The following STPG2 variants were observed in gnomAD, a reference collection of about 807,000 sequenced individuals.
The protein encoded by STPG2 is sperm tail PG-rich repeat containing 2, also known as sperm-tail PG-rich repeat-containing protein 2.
In STPG2, 56 loss-of-function variants were observed where a neutral mutation model predicts 54.2. The observed-to-expected ratio is 1.03, with a 90% CI of 0.83 to 1.29. The LOEUF (loss-of-function observed/expected upper bound fraction) is 1.29, where lower values mean the gene tolerates loss of function less well. Ranked by LOEUF, STPG2 falls within the 50% of genes most tolerant of loss-of-function variation. The pLI, the probability that STPG2 is intolerant of heterozygous loss-of-function variation, is 0.00. For missense variants in STPG2, 596 were observed against 544.9 expected (o/e 1.09, Z -0.93); for synonymous variants, 200 against 181.8 (o/e 1.10, Z -0.81).
At chr4:97,755,888 G>T (rs1384892321) in intron 9 of STPG2, among the ~76,000 whole-genome samples, 1 of 152,182 alleles carries the variant, frequency 6.6e-6, no homozygotes, top group Non-Finnish European at 1.5e-5. Context: ...ACAGCCTGAT[G>T]AAAAATTCTC....
At chr4:97,521,802 T>C (rs1228838673) in intron 4 of STPG2, among the ~76,000 whole-genome samples, 1 of 151,862 alleles carries the variant, frequency 6.6e-6, no homozygotes, top group Non-Finnish European at 1.5e-5. Context: ...TCATTAAAAA[T>C]AGGGAGGTTA....
chr4:98,036,421 G>A (rs958783791), intron 5 of STPG2, among the ~76,000 whole-genome samples: 3 of 152,032 alleles, frequency 2.0e-5, no homozygotes, highest in Admixed American at 2.0e-4. Context: ...GACCATCAAA[G>A]ATAGACTAGA....
chr4:97,550,458 G>T (rs2148867217), intron 4 of STPG2, among the ~76,000 whole-genome samples: 1 of 152,118 alleles, frequency 6.6e-6, no homozygotes, highest in Non-Finnish European at 1.5e-5. Flanking sequence ...AAGGATACGG[G>T]GAAGAGTGGT....
chr4:97,735,863 C>T (rs528816981), intron 9 of STPG2, among the ~76,000 whole-genome samples: 44 of 151,994 alleles, frequency 2.9e-4, no homozygotes, highest in South Asian at 6.2e-4. Context: ...ACAAATAACT[C>T]GATTTAAAAA....
At chr4:97,851,133 A>G (rs962840478) in intron 8 of STPG2, among the ~76,000 whole-genome samples, 4 of 152,142 alleles carry the variant, frequency 2.6e-5, no homozygotes, top group African/African-American at 7.2e-5. Context: ...TGTAGCAGTT[A>G]TTACATTTGC....
chr4:97,638,362 T>C (rs994347254), intron 10 of STPG2, among the ~76,000 whole-genome samples: 38 of 152,112 alleles, frequency 2.5e-4, no homozygotes, highest in African/African-American at 8.9e-4. Flanking sequence ...ATTAAAGACT[T>C]AAACATTAGA....
intron 8 of STPG2, among the ~76,000 whole-genome samples, chr4:97,923,302 A>AC (rs79611394): frequency 0.01 from 1,337 of 131,890 alleles, 10 homozygotes; most frequent in African/African-American, 0.034. Flanking sequence ...TTCCCCTCCC[A>AC]CCCCCCCCGC....
At position 98,128,457 on chromosome 4, in the gene STPG2, G is replaced by A; in HGVS notation, c.358C>T (p.Leu120Phe). ...KCFPPACDST[L>F]GPAYYKPQFD... ...TGAGGTTTGTAGTATGCTGGACCAA[G>A]TGTACTGTCACAAGCAGGTGGAAAA... The change falls in exon 3 of 11, where the codon CTT becomes TTT. Residue 120 changes from leucine (L) to phenylalanine (F), a missense_variant. By Grantham distance (22) the Leu-to-Phe change is conservative. Transcript: ENST00000295268. 6 of 1,612,096 alleles carry A rather than the reference G, an allele frequency of 3.7e-6. No homozygotes were observed. The highest frequency in any genetic ancestry group is 5.1e-6 in the Non-Finnish European group (6 of 1,179,324).
chr4:97,563,716 C>G (rs1327577003), intron 10 of STPG2, among the ~76,000 whole-genome samples: 1 of 152,110 alleles, frequency 6.6e-6, no homozygotes, highest in Non-Finnish European at 1.5e-5. Flanking sequence ...CATTCAGGAG[C>G]AGGTTGCTCA....
At chr4:97,907,771 G>T (rs71269163) in intron 8 of STPG2, among the ~76,000 whole-genome samples, 4 of 152,308 alleles carry the variant, frequency 2.6e-5, no homozygotes, top group African/African-American at 9.6e-5. Flanking sequence ...ATGGGGAAAG[G>T]ATTCCCTATT....
intron 5 of STPG2, among the ~76,000 whole-genome samples, chr4:98,048,392 TAGAA>T (rs1305047178): frequency 2.6e-5 from 4 of 152,222 alleles, no homozygotes; most frequent in Non-Finnish European, 4.4e-5. Context: ...TATCTTAAAT[TAGAA>T]AGAGCAGTTA....
At chr4:98,031,147 G>C (rs1396567475) in intron 5 of STPG2, among the ~76,000 whole-genome samples, 1 of 152,054 alleles carries the variant, frequency 6.6e-6, no homozygotes, top group African/African-American at 2.4e-5. Flanking sequence ...AAAACATAAA[G>C]TGGTGAAAGG....
intron 8 of STPG2, among the ~76,000 whole-genome samples, chr4:97,918,301 C>A (rs993132109): frequency 6.6e-5 from 10 of 152,018 alleles, no homozygotes; most frequent in African/African-American, 1.9e-4. Flanking sequence ...CCAAGATGTT[C>A]CAGATAAATT....
intron 8 of STPG2, among the ~76,000 whole-genome samples, chr4:97,926,433 C>T (rs1175360852): frequency 6.6e-6 from 1 of 152,114 alleles, no homozygotes; most frequent in Non-Finnish European, 1.5e-5. Flanking sequence ...CTATCTTGTA[C>T]TTTTCCTATT....
At chr4:97,993,417 G>T (rs1264264443) in intron 5 of STPG2, among the ~76,000 whole-genome samples, 2 of 152,066 alleles carry the variant, frequency 1.3e-5, no homozygotes, top group Non-Finnish European at 2.9e-5. Context: ...CTGCATCCCT[G>T]GTATGAAACC....
At chr4:97,730,440 T>C (rs1023196782) in intron 9 of STPG2, among the ~76,000 whole-genome samples, 1 of 152,192 alleles carries the variant, frequency 6.6e-6, no homozygotes, top group African/African-American at 2.4e-5. Flanking sequence ...TTTTTGCTGT[T>C]GTGAATAGCA....
At chr4:97,819,525 T>C (rs1391526871) in intron 9 of STPG2, among the ~76,000 whole-genome samples, 2 of 152,136 alleles carry the variant, frequency 1.3e-5, no homozygotes, top group African/African-American at 2.4e-5. Context: ...TACTCATTAC[T>C]GAGTAAAGTA....
chr4:98,101,865 T>TC (rs34686297), intron 5 of STPG2, among the ~76,000 whole-genome samples: 8 of 145,832 alleles, frequency 5.5e-5, no homozygotes, highest in South Asian at 2.2e-4. Flanking sequence ...TTCATTATCT[T>TC]CCCCCTCCCC....
In STPG2 at chr4:98,050,524, G is replaced by C. The variant is rs566173452; in HGVS notation, c.612+55429C>G. ...TGGCCAGGCTGCTTTTCAGTGAGAAGGCATCTGACAGAGAGCTCATTACAG... is the reference window on the plus strand; with the variant it reads ...TGGCCAGGCTGCTTTTCAGTGAGAACGCATCTGACAGAGAGCTCATTACAG... On this transcript the variant is annotated intron_variant, in intron 5 of 10. Transcript: ENST00000295268. Among the ~76,000 whole-genome samples, 17 of 152,158 alleles carry C rather than the reference G, an allele frequency of 1.1e-4. No individual in the cohort carries two copies. The South Asian group carries it at 3.5e-3, about 32-fold the overall frequency.
Sources: gnomAD v4.1 joint callset for allele counts (sites outside exome capture counted in the v4.1 genomes callset) on GRCh38, gnomAD v4.1.1 for gene constraint, MANE v1.5 for transcripts, NCBI Gene and HGNC (gene_info 2026-07-23, HGNC 2026-07-21) for gene names.